RFC3: variants seen among roughly 807,000 people sequenced by gnomAD.
RFC3 encodes the protein A1 38 kDa subunit.
RFC3 carries 41 observed loss-of-function variants against 45.1 expected under a neutral mutation model. The observed-to-expected ratio is 0.91, with a 90% CI of 0.71 to 1.18. The LOEUF (loss-of-function observed/expected upper bound fraction) is 1.18. RFC3 is among the 50% of genes most tolerant of loss of function. RFC3 has a pLI of 0.00. For synonymous variants in RFC3, 149 were observed against 144.0 expected, an observed-to-expected ratio of 1.03 and a Z score of -0.25; for missense variants, 423 against 428.1, an observed-to-expected ratio of 0.99 and a Z score of 0.10.
chr13:33,881,410 G>A (rs1280336434), intron 8 of RFC3, among the ~76,000 whole-genome samples: 1 of 152,180 alleles, frequency 6.6e-6, no homozygotes, highest in Non-Finnish European at 1.5e-5. Context: ...ATAAAGCACA[G>A]TACCTACCCC....
intron 8 of RFC3, among the ~76,000 whole-genome samples, chr13:33,919,878 T>C (rs901802442): frequency 6.6e-6 from 1 of 152,158 alleles, no homozygotes; most frequent in Non-Finnish European, 1.5e-5. Context: ...CATTTATTAA[T>C]TGTGCATACT....
intron 8 of RFC3, chr13:33,849,704 C>T (rs2082263812): frequency 6.6e-6 from 1 of 152,066 alleles, no homozygotes; most frequent in African/African-American, 2.4e-5. Flanking sequence ...TGGTGAAGCC[C>T]TGTTTCTAAT....
chr13:33,918,718 A>G (rs921368106), intron 8 of RFC3, among the ~76,000 whole-genome samples: 1 of 152,142 alleles, frequency 6.6e-6, no homozygotes, highest in Non-Finnish European at 1.5e-5. Context: ...CCCGACAGGA[A>G]GGCCGAGGCT....
intron 8 of RFC3, among the ~76,000 whole-genome samples, chr13:33,947,404 C>T (rs572772690): frequency 1.3e-5 from 2 of 152,258 alleles, no homozygotes; most frequent in South Asian, 4.2e-4. Flanking sequence ...GTCAATTAAA[C>T]CCCTTTTCTT....
At chr13:33,832,881 A>G (rs112449774) in intron 7 of RFC3, among the ~76,000 whole-genome samples, 48 of 152,302 alleles carry the variant, frequency 3.2e-4, no homozygotes, top group African/African-American at 1.1e-3. Flanking sequence ...TGAGGTTGTA[A>G]TGTTTGATAA....
At chr13:33,915,506 T>C (rs1249817382) in intron 8 of RFC3, among the ~76,000 whole-genome samples, 3 of 152,150 alleles carry the variant, frequency 2.0e-5, no homozygotes, top group Non-Finnish European at 4.4e-5. Context: ...GAATATCCAC[T>C]AGCAATGAAG....
intron 3 of RFC3, among the ~76,000 whole-genome samples, chr13:33,825,492 G>A (rs1050412353): frequency 2.6e-5 from 4 of 151,988 alleles, no homozygotes; most frequent in Non-Finnish European, 4.4e-5. Context: ...TTCTATAGTC[G>A]GTACAGAAGT....
At position 33,830,660 on chromosome 13, in the gene RFC3, GA is replaced by G; in HGVS notation, c.574-56del. The G allele has an allele frequency of 2.1e-6, 3 of 1,436,284 alleles. No homozygotes were observed. The South Asian group carries it at 3.8e-5, about 18-fold the overall frequency. 89.0% of individuals were successfully genotyped at this position (1,436,284 alleles called of 1,614,324 possible). The stretch of plus-strand genomic sequence containing the variant: ...ATAAGGGTCTAGGAGGATATCAACA[GA>G]AATGAATCTTAATCTGCTTTTTAAT... On this transcript the variant is annotated intron_variant, in intron 5 of 8. Transcript: ENST00000380071.
rs528067651 is a variant in RFC3, at chr13:33,911,564, A to G, written c.880-54523A>G. ...CTGCAGGCTGGAAAGTTCAAGAAGCATGGCACTGGCACCTGATCAGCTTTC... is the reference window on the plus strand; with the variant it reads ...CTGCAGGCTGGAAAGTTCAAGAAGCGTGGCACTGGCACCTGATCAGCTTTC... On this transcript the variant is annotated intron_variant, in intron 8 of 8. Transcript: ENST00000434425. 3.7e-4 allele frequency among the ~76,000 whole-genome samples: 57 copies of G among 152,216 alleles called. 1 individual carries two copies. In the South Asian group the frequency reaches 0.012, roughly 31 times the overall value.
chr13:33,976,491 C>A, the RFC3 span, among the ~76,000 whole-genome samples: 2 of 152,064 alleles, frequency 1.3e-5, no homozygotes, highest in Middle Eastern at 3.4e-3. Context: ...GAAACAAATT[C>A]TAGTATTAGT....
chr13:33,926,888 C>T (rs7331806), intron 8 of RFC3, among the ~76,000 whole-genome samples: 2 of 150,350 alleles, frequency 1.3e-5, no homozygotes, highest in African/African-American at 4.9e-5. Flanking sequence ...GAAATAATGG[C>T]TCATTCTGAG....
rs772970576 is a variant in RFC3 at position 33,821,192 on chromosome 13, A to G, written c.148A>G (p.Thr50Ala). The change falls in exon 2 of 9, where the codon ACA becomes GCA. Residue 50 changes from threonine to alanine, a missense_variant. Thr to Ala is a moderately conservative substitution (Grantham distance 58). Transcript: ENST00000380071. ...CGGACCATCAGGTGCTGGAAAAAAGACAAGAATTATGTGTATTCTACGTGA... is the reference window on the plus strand; with the variant it reads ...CGGACCATCAGGTGCTGGAAAAAAGGCAAGAATTATGTGTATTCTACGTGA... Reference protein sequence around the residue: ...VYGPSGAGKKTRIMCILRELY... With the variant: ...VYGPSGAGKKARIMCILRELY... 2 of 1,613,806 alleles carry G rather than the reference A, an allele frequency of 1.2e-6. No individual in the cohort carries two copies. Among genetic ancestry groups the G allele is most frequent in the Non-Finnish European group, 1.7e-6 (2 of 1,179,758 alleles).
intron 8 of RFC3, among the ~76,000 whole-genome samples, chr13:33,908,561 CTG>C (rs926680119): frequency 2.7e-5 from 4 of 150,102 alleles, no homozygotes; most frequent in Non-Finnish European, 4.4e-5. Flanking sequence ...CTATAATAGT[CTG>C]TGTATTGGTC....
chr13:33,825,846 A>G lies in RFC3; in HGVS notation c.351A>G (p.Gln117=), dbSNP rs893432343. The G allele has an allele frequency of 3.1e-6, 5 of 1,609,294 alleles. No homozygotes were observed. The highest frequency in any genetic ancestry group is 1.3e-5 in the African/African-American group (1 of 74,818). ...AGGAGATGTTGAAAACAGTGGCACA[A>G]TCACAACAACTTGAAACAAACTCTC... ...VIQEMLKTVA[Q]SQQLETNSQR... is the part of the protein sequence containing the mutation. Residue 117 remains glutamine, a synonymous_variant, in exon 4 of 9, where the codon CAA becomes CAG. Transcript: ENST00000380071.
intron 8 of RFC3, among the ~76,000 whole-genome samples, chr13:33,949,707 G>A (rs551867583): frequency 6.6e-6 from 1 of 152,218 alleles, no homozygotes; most frequent in Non-Finnish European, 1.5e-5. Context: ...GGGTTTTTCT[G>A]TGAGGGTGTT....
chr13:33,819,098 G>A (rs1362989656), intron 1 of RFC3, among the ~76,000 whole-genome samples: 1 of 151,888 alleles, frequency 6.6e-6, no homozygotes, highest in Non-Finnish European at 1.5e-5. Context: ...CACCACGTTG[G>A]CCAGGCTGGT....
intron 8 of RFC3, among the ~76,000 whole-genome samples, chr13:33,884,588 C>T (rs1248671002): frequency 6.6e-6 from 1 of 152,208 alleles, no homozygotes; most frequent in Non-Finnish European, 1.5e-5. Flanking sequence ...AAGCATTTCT[C>T]CCAGCAATCC....
intron 8 of RFC3, among the ~76,000 whole-genome samples, chr13:33,855,106 A>G (rs905392345): frequency 6.6e-6 from 1 of 152,184 alleles, no homozygotes; most frequent in Non-Finnish European, 1.5e-5. Flanking sequence ...CAAGAAAAAA[A>G]AGGTTAAAAT....
At chr13:33,848,201 A>G (rs1211891249) in intron 8 of RFC3, 1 of 152,190 alleles carries the variant, frequency 6.6e-6, no homozygotes, top group African/African-American at 2.4e-5. Context: ...CTTCCAGCCC[A>G]AAGTAGACCT....
Sources: allele counts gnomAD v4.1 joint callset (sites outside exome capture counted in the v4.1 genomes callset), GRCh38; gene constraint gnomAD v4.1.1; transcripts MANE v1.5; gene names NCBI Gene and HGNC (gene_info 2026-07-23, HGNC 2026-07-21).